MPZ: variants seen among roughly 807,000 people sequenced by gnomAD.
The protein encoded by MPZ is myelin protein zero.
A neutral mutation model predicts 27.9 loss-of-function variants in MPZ; 13 were observed. That is an observed-to-expected ratio of 0.47 (90% CI 0.30 to 0.74). MPZ has a LOEUF of 0.74. Among genes scored for constraint, MPZ ranks in the 30% least tolerant of loss-of-function variants. The pLI is 0.06. For missense variants in MPZ, 256 were observed against 317.5 expected, an observed-to-expected ratio of 0.81 and a Z score of 1.47; for synonymous variants, 118 against 128.9, an observed-to-expected ratio of 0.92 and a Z score of 0.57.
intron 1 of MPZ, among the ~76,000 whole-genome samples, chr1:161,308,015 G>A (rs1455256159): frequency 2.0e-5 from 3 of 151,816 alleles, no homozygotes; most frequent in African/African-American, 7.3e-5. Flanking sequence ...CATACATATT[G>A]CATTGTATTC....
intron 1 of MPZ, among the ~76,000 whole-genome samples, chr1:161,309,535 C>CATATATATATAT (rs568535304): frequency 1.5e-4 from 17 of 112,386 alleles, no homozygotes; most frequent in African/African-American, 5.3e-4. Flanking sequence ...TTTTTCTTTT[C>CATATATATATAT]ATATATATAT....
rs755446743 is a variant in MPZ at position 161,305,914 on chromosome 1, CCTT to C, written c.706_708del (p.Lys236del). 35 of 1,613,628 alleles carry C rather than the reference CCTT, an allele frequency of 2.2e-5. No individual in the cohort carries two copies. Among genetic ancestry groups the C allele is most frequent in the Non-Finnish European group, 2.5e-5 (29 of 1,179,964 alleles). On this transcript the variant is annotated inframe_deletion, in exon 6 of 6. Transcript: ENST00000533357. ...TTGCGAGACTCCCCCAGCCCCTTGG[CCTT>C]CTTCTCACTGACAGCTTTGGTGCTT...
intron 1 of MPZ, among the ~76,000 whole-genome samples, chr1:161,309,095 A>T (rs189504102): frequency 6.6e-6 from 1 of 152,354 alleles, no homozygotes; most frequent in East Asian, 1.9e-4. Flanking sequence ...GCCAGGGGGC[A>T]AGGAAAGGGC....
intron 1 of MPZ, among the ~76,000 whole-genome samples, chr1:161,309,442 C>T (rs79053144): frequency 0.043 from 6,528 of 151,560 alleles, 169 homozygotes; most frequent in African/African-American, 0.064. Flanking sequence ...CAGCCATGGC[C>T]ACCACTCAGG....
rs749120272 is a variant in MPZ, at chr1:161,306,160, T to C, written c.593A>G (p.Glu198Gly). 1.2e-6 allele frequency: 2 copies of C among 1,614,160 alleles called. No homozygotes were observed. Among genetic ancestry groups the C allele is most frequent in the East Asian group, 4.5e-5 (2 of 44,874 alleles). Residue 198 changes from glutamate to glycine, a missense_variant, in exon 5 of 6, where the codon GAG becomes GGG. Glu to Gly is a moderately conservative substitution (Grantham distance 98, BLOSUM62 -2). This residue lies in a region of MPZ where 101 missense variants were observed against 93.6 expected (regional missense o/e 1.08). Transcript: ENST00000533357. ...TCCTGGCTTGTGCAATTTCCCCTTC[T>C]CCATAGCACTGCAAGAAGAGAGACT... ...AALQRRLSAM[E>G]KGKLHKPGKD...
chr1:161,307,527 G>T, intron 1 of MPZ, 103 bp from the exon 2 acceptor site: 1 of 1,348,170 alleles, frequency 7.4e-7, no homozygotes, highest in Non-Finnish European at 1.0e-6. Flanking sequence ...CAGGTCAGAG[G>T]CCAATTTGGA....
chr1:161,303,871 A>T (rs1237103678), downstream of MPZ, among the ~76,000 whole-genome samples: 1 of 151,912 alleles, frequency 6.6e-6, no homozygotes, highest in Non-Finnish European at 1.5e-5. Flanking sequence ...ATTTTTTTTA[A>T]AAGACATTGA....
At position 161,305,846 on chromosome 1, in the gene MPZ, C is replaced by G. The variant is rs1461654124; in HGVS notation, c.*30G>C. 1 of 1,360,898 alleles carries G rather than the reference C, an allele frequency of 7.3e-7. No homozygotes were observed. The highest frequency in any genetic ancestry group is 1.0e-6 in the Non-Finnish European group (1 of 961,690). The allele number at this position is 1,360,898 out of a possible 1,614,324, so 84.3% of individuals were successfully genotyped here. On this transcript the variant is annotated 3_prime_UTR_variant, in exon 6 of 6. Coordinates refer to ENST00000533357, the MANE Select transcript of MPZ (RefSeq NM_000530.8). ...GGCCTTTGGCGGACTCCACCCCTAA[C>G]CCCCGATCCCCCGCCCGGCCCGCTA...
At chr1:161,309,552 A>ATATATATATTTTTTTTTTTTTTTTT in intron 1 of MPZ, among the ~76,000 whole-genome samples, 1 of 80,666 alleles carries the variant, frequency 1.2e-5, no homozygotes, top group African/African-American at 5.8e-5. Context: ...ATATATATAT[A>ATATATATATTTTTTTTTTTTTTTTT]TTTTTTTTTT....
chr1:161,306,034 C>G lies in MPZ; in HGVS notation c.646-57G>C. 3.1e-6 allele frequency: 5 copies of G among 1,608,404 alleles called. No individual in the cohort carries two copies. The South Asian group carries it at 5.5e-5, about 18-fold the overall frequency. The stretch of plus-strand genomic sequence containing the variant: ...GCGACTGGGGCTTGACTGTTCCCAT[C>G]CCACCCCTCACTGCTGCCCGGCGGC... On this transcript the variant is annotated intron_variant, in intron 5 of 5. Transcript: ENST00000533357.
chr1:161,307,494 G>A (rs1670293118), intron 1 of MPZ, 70 bp from the exon 2 acceptor site: 1 of 1,583,448 alleles, frequency 6.3e-7, no homozygotes, highest in South Asian at 1.1e-5. Flanking sequence ...AGTGAGATCA[G>A]TAGGAAATCA....
At chr1:161,308,948 C>T (rs1158744614) in intron 1 of MPZ, among the ~76,000 whole-genome samples, 1 of 152,154 alleles carries the variant, frequency 6.6e-6, no homozygotes, top group Non-Finnish European at 1.5e-5. Flanking sequence ...TTCTGGCCAG[C>T]CCCCTTTCCC....
At position 161,306,362 on chromosome 1, in the gene MPZ, A is replaced by G. The variant is rs767714652; in HGVS notation, c.551T>C (p.Leu184Pro). The change falls in exon 4 of 6, where the codon CTA becomes CCA. Residue 184 changes from leucine (L) to proline (P), a missense_variant. Transcript: ENST00000533357. ...CCTCTGCAGGGCCGCCTGCCTGCGT[A>G]GCCAGCAGTACCGAACCACGTAGAA... is the stretch of plus-strand genomic sequence containing the variant. ...LLFYVVRYCW[L>P]RRQAALQRRL... is the part of the protein sequence containing the mutation. The G allele has an allele frequency of 9.3e-6, 15 of 1,614,194 alleles. No homozygotes were observed. In the South Asian group the frequency reaches 1.4e-4, roughly 15 times the overall value.
rs995032554 is a variant in MPZ at position 161,304,885 on chromosome 1, T to A, written c.*991A>T. The A allele has an allele frequency of 1.6e-5, 2 of 125,704 alleles. No individual in the cohort carries two copies. Among genetic ancestry groups the A allele is most frequent in the African/African-American group, 5.9e-5 (2 of 33,922 alleles). 7.8% of individuals were successfully genotyped at this position (125,704 alleles called of 1,614,324 possible). On this transcript the variant is annotated 3_prime_UTR_variant, in exon 6 of 6. Transcript: ENST00000533357. Reference sequence around the variant, plus strand: ...CCCCCCATTTCCCATTTGTTTTTCCTGCTTTTTGTTTGGTTGTTTAAAAAC... The same window carrying A: ...CCCCCCATTTCCCATTTGTTTTTCCAGCTTTTTGTTTGGTTGTTTAAAAAC...
chr1:161,307,683 T>C (rs983750568), intron 1 of MPZ, among the ~76,000 whole-genome samples: 5 of 152,224 alleles, frequency 3.3e-5, no homozygotes, highest in Non-Finnish European at 7.3e-5. Context: ...TTCCAGAGAT[T>C]GGGTTCTGTC....
chr1:161,306,946 T>G (rs770322511), intron 2 of MPZ, 25 bp from the exon 3 acceptor site: 1 of 1,535,910 alleles, frequency 6.5e-7, no homozygotes, highest in Non-Finnish European at 8.9e-7. Flanking sequence ...GGGAAGCATG[T>G]GAGAGGACCC....
chr1:161,306,143 T>G lies in MPZ; in HGVS notation c.610A>C (p.Lys204Gln). The G allele has an allele frequency of 6.2e-7, 1 of 1,614,236 alleles. No homozygotes were observed. Among genetic ancestry groups the G allele is most frequent in the South Asian group, 1.1e-5 (1 of 91,082 alleles). Reference protein sequence around the residue: ...LSAMEKGKLHKPGKDASKRGR... With the variant: ...LSAMEKGKLHQPGKDASKRGR... ...CGCTTCGACGCGTCCTTTCCTGGCTTGTGCAATTTCCCCTTCTCCATAGCA... is the reference window on the plus strand; with the variant it reads ...CGCTTCGACGCGTCCTTTCCTGGCTGGTGCAATTTCCCCTTCTCCATAGCA... Residue 204 changes from lysine (K) to glutamine (Q), a missense_variant, in exon 5 of 6, where the codon AAG becomes CAG. Physicochemically the swap from Lys to Gln is moderately conservative, Grantham distance 53. This residue lies in a region of MPZ where 101 missense variants were observed against 93.6 expected (regional missense o/e 1.08). Coordinates refer to ENST00000533357, the MANE Select transcript of MPZ (RefSeq NM_000530.8).
chr1:161,309,859 A>C lies in MPZ; in HGVS notation c.47T>G (p.Val16Gly). 1 of 1,587,256 alleles carries C rather than the reference A, an allele frequency of 6.3e-7. No homozygotes were observed. Among genetic ancestry groups the C allele is most frequent in the Non-Finnish European group, 8.6e-7 (1 of 1,167,750 alleles). The change falls in exon 1 of 6, where the codon GTG becomes GGG. Residue 16 changes from valine to glycine, a missense_variant. This residue lies in a region of MPZ where 155 missense variants were observed against 223.9 expected (regional missense o/e 0.69). Coordinates refer to ENST00000533357, the MANE Select transcript of MPZ (RefSeq NM_000530.8). ...CTTACCCAAAGAAGAGAAGAGCAGC[A>C]CAGCCAGGATAGGGCTGGGGCTGGA... is the stretch of plus-strand genomic sequence containing the variant. ...PSSSPSPILA[V>G]LLFSSLVLSP...
chr1:161,308,497 G>A (rs1670314578), intron 1 of MPZ, among the ~76,000 whole-genome samples: 1 of 152,156 alleles, frequency 6.6e-6, no homozygotes, highest in Non-Finnish European at 1.5e-5. Context: ...AGGAGGGGGA[G>A]GTGGCAACCA....
Sources: allele counts gnomAD v4.1 joint callset (sites outside exome capture counted in the v4.1 genomes callset), GRCh38; gene constraint gnomAD v4.1.1; regional missense constraint gnomAD v4.1.1; transcripts MANE v1.5; gene names NCBI Gene and HGNC (gene_info 2026-07-23, HGNC 2026-07-21).